TBC1D32: variants seen among roughly 807,000 people sequenced by gnomAD.
TBC1D32 encodes the protein protein broad-minded.
In TBC1D32, 151 loss-of-function variants were observed where a neutral mutation model predicts 170.3. That is an observed-to-expected ratio of 0.89 (90% confidence interval 0.78 to 1.01). TBC1D32 has a LOEUF of 1.01. Ranked by LOEUF, TBC1D32 falls within the 50% of genes least tolerant of loss-of-function variation. TBC1D32 has a pLI of 0.00. For missense variants in TBC1D32, 1,464 were observed against 1,457.1 expected (o/e 1.00, Z -0.08); for synonymous variants, 498 against 488.0 (o/e 1.02, Z -0.27).
At chr6:121,200,866 G>A (rs1235149720) in intron 22 of TBC1D32, among the ~76,000 whole-genome samples, 4 of 151,378 alleles carry the variant, frequency 2.6e-5, no homozygotes, top group African/African-American at 4.9e-5. Flanking sequence ...ATGCTGTTTT[G>A]TCCTTGAGGG....
chr6:121,291,332 C>A (rs1466855502), intron 12 of TBC1D32, among the ~76,000 whole-genome samples: 2 of 151,976 alleles, frequency 1.3e-5, no homozygotes, highest in African/African-American at 2.4e-5. Context: ...TTGTTTCAGG[C>A]CTGCTACATT....
chr6:121,135,937 TAGATGCCCACCAAAA>T (rs1782014986), intron 24 of TBC1D32, among the ~76,000 whole-genome samples: 1 of 152,034 alleles, frequency 6.6e-6, no homozygotes, highest in African/African-American at 2.4e-5. Context: ...ACAAGCAACT[TAGATGCCCACCAAAA>T]AAATGTCCAC....
In TBC1D32 at chr6:121,112,596, A is replaced by T. The variant is rs764164450; in HGVS notation, c.3233T>A (p.Leu1078Ter). The change falls in exon 29 of 32, where the codon TTG becomes TAG. Residue 1078 changes from leucine (L) to a stop codon, truncating the protein, a stop_gained. Coordinates refer to ENST00000398212, the MANE Select transcript of TBC1D32 (RefSeq NM_152730.6). LOFTEE classifies it high-confidence loss of function. ...WFVSSLFMIMLGDKEKTFQFL... is the reference protein window; with the variant it reads ...WFVSSLFMIM ...TTGGAATGTTTTTTCTTTGTCTCCCAACATTATCATGAACAGAGAAGATAC... is the reference window on the plus strand; with the variant it reads ...TTGGAATGTTTTTTCTTTGTCTCCCTACATTATCATGAACAGAGAAGATAC... The T allele has an allele frequency of 1.9e-6, 3 of 1,611,088 alleles. No homozygotes were observed. Among genetic ancestry groups the T allele is most frequent in the South Asian group, 1.1e-5 (1 of 90,682 alleles).
In TBC1D32 at chr6:121,079,693, T is replaced by C. The variant is rs1298567199; in HGVS notation, c.*1078A>G. 2 of 152,178 alleles carry C rather than the reference T, an allele frequency of 1.3e-5. No homozygotes were observed. Among genetic ancestry groups the C allele is most frequent in the African/African-American group, 4.8e-5 (2 of 41,452 alleles). 9.4% of individuals were successfully genotyped at this position (152,178 alleles called of 1,614,324 possible). A position where few individuals can be genotyped will look rare whatever the true frequency, so the allele number is the denominator to read the frequency against. The stretch of plus-strand genomic sequence containing the variant: ...AGACATTCACATATTGTATTAATCT[T>C]ACCGGTGCAGAGACATCTATTTAAA... On this transcript the variant is annotated 3_prime_UTR_variant, in exon 32 of 32. Coordinates refer to ENST00000398212, the MANE Select transcript of TBC1D32 (RefSeq NM_152730.6).
chr6:121,134,650 G>A (rs1285041350), intron 24 of TBC1D32, among the ~76,000 whole-genome samples: 2 of 152,048 alleles, frequency 1.3e-5, no homozygotes, highest in East Asian at 3.8e-4. Context: ...GAGAGTATAT[G>A]CTTTACAATT....
chr6:121,112,808 G>T, intron 28 of TBC1D32, 149 bp from the exon 29 acceptor site: 1 of 776,196 alleles, frequency 1.3e-6, no homozygotes, highest in Non-Finnish European at 1.9e-6. Flanking sequence ...TCTTAGACAT[G>T]TCTGAAAATA....
intron 15 of TBC1D32, among the ~76,000 whole-genome samples, chr6:121,263,168 C>T (rs1279453097): frequency 6.6e-6 from 1 of 151,740 alleles, no homozygotes; most frequent in Admixed American, 6.6e-5. Context: ...AATCAGTGTG[C>T]TGTATTCAAG....
chr6:121,216,735 G>A (rs190421078), intron 21 of TBC1D32, among the ~76,000 whole-genome samples: 207 of 152,286 alleles, frequency 1.4e-3, no homozygotes, highest in African/African-American at 4.8e-3. Context: ...TGAACAAAGT[G>A]ATGAAAGAAA....
intron 15 of TBC1D32, among the ~76,000 whole-genome samples, chr6:121,276,389 A>G (rs1245642254): frequency 6.6e-6 from 1 of 152,118 alleles, no homozygotes; most frequent in Non-Finnish European, 1.5e-5. Flanking sequence ...GTAAATGTAT[A>G]TTACAAACTT....
chr6:121,133,249 A>G (rs1781640849), intron 24 of TBC1D32, among the ~76,000 whole-genome samples: 2 of 152,132 alleles, frequency 1.3e-5, no homozygotes, highest in African/African-American at 4.8e-5. Context: ...AATTATAATG[A>G]TGAAAACAAG....
intron 1 of TBC1D32, among the ~76,000 whole-genome samples, chr6:121,332,021 G>A (rs926198800): frequency 6.6e-6 from 1 of 152,064 alleles, no homozygotes; most frequent in Non-Finnish European, 1.5e-5. Context: ...AATCTCTTTA[G>A]TAAATAGTAA....
intron 15 of TBC1D32, among the ~76,000 whole-genome samples, chr6:121,266,274 C>G (rs939067868): frequency 6.6e-6 from 1 of 152,010 alleles, no homozygotes; most frequent in Admixed American, 6.6e-5. Context: ...GGACACTTCT[C>G]AAAAGAAGAC....
chr6:121,325,893 T>C (rs1183701046), intron 1 of TBC1D32, among the ~76,000 whole-genome samples: 2 of 151,918 alleles, frequency 1.3e-5, no homozygotes, highest in African/African-American at 4.8e-5. Context: ...AGGGCTAATA[T>C]CCAGAATCTA....
intron 22 of TBC1D32, among the ~76,000 whole-genome samples, chr6:121,181,267 C>T (rs889450185): frequency 6.6e-6 from 1 of 152,016 alleles, no homozygotes; most frequent in Non-Finnish European, 1.5e-5. Context: ...AAATTGTAAT[C>T]CCCATTTTTG....
intron 22 of TBC1D32, among the ~76,000 whole-genome samples, chr6:121,172,121 A>C (rs140469684): frequency 0.015 from 2,223 of 152,220 alleles, 26 homozygotes; most frequent in Non-Finnish European, 0.022. Context: ...TCTCTCTTGA[A>C]TGCCACCACG....
intron 20 of TBC1D32, among the ~76,000 whole-genome samples, chr6:121,227,050 GAAAATA>G (rs1013770178): frequency 1.3e-5 from 2 of 152,184 alleles, no homozygotes; most frequent in African/African-American, 4.8e-5. Context: ...AATGAGCTAA[GAAAATA>G]AAAATAAAAA....
chr6:121,258,736 GAAAATA>G (rs1799374449), intron 15 of TBC1D32, among the ~76,000 whole-genome samples: 1 of 151,916 alleles, frequency 6.6e-6, no homozygotes, highest in Admixed American at 6.6e-5. Context: ...AACATATCCT[GAAAATA>G]ACTCCACAGA....
intron 30 of TBC1D32, 24 bp downstream of exon 30, chr6:121,105,999 A>G: frequency 1.3e-6 from 2 of 1,568,504 alleles, no homozygotes; most frequent in Non-Finnish European, 1.7e-6. Flanking sequence ...GGAGTTGGAG[A>G]AATGCTACTC....
At chr6:121,311,979 A>T (rs550012031) in intron 3 of TBC1D32, among the ~76,000 whole-genome samples, 1 of 152,198 alleles carries the variant, frequency 6.6e-6, no homozygotes, top group African/African-American at 2.4e-5. Context: ...GATAGGTTGG[A>T]TAAAGAAAAT....
Sources: allele counts gnomAD v4.1 joint callset (sites outside exome capture counted in the v4.1 genomes callset), GRCh38; gene constraint gnomAD v4.1.1; transcripts MANE v1.5; gene names NCBI Gene and HGNC (gene_info 2026-07-23, HGNC 2026-07-21).